YTHDF3: variants seen among roughly 807,000 people sequenced by gnomAD.
YTHDF3 encodes YTH domain-containing family protein 3.
Under a neutral mutation model 52.5 loss-of-function variants are expected in YTHDF3, and 9 were observed. That is an observed-to-expected ratio of 0.17 (90% CI 0.10 to 0.30). YTHDF3 has a LOEUF of 0.30. YTHDF3 is among the 10% of genes least tolerant of loss of function. The pLI is 1.00. For missense variants in YTHDF3, 534 were observed against 715.0 expected (o/e 0.75, Z 2.89); for synonymous variants, 274 against 243.3 (o/e 1.13, Z -1.18).
chr8:63,185,368 C>G (rs926260969), intron 3 of YTHDF3, among the ~76,000 whole-genome samples: 3 of 149,794 alleles, frequency 2.0e-5, no homozygotes, highest in African/African-American at 7.4e-5. Flanking sequence ...TGCAGTAATT[C>G]TGGAAAAAAT....
intron 4 of YTHDF3, among the ~76,000 whole-genome samples, chr8:63,196,664 C>A (rs1809260227): frequency 6.6e-6 from 1 of 151,840 alleles, no homozygotes; most frequent in Non-Finnish European, 1.5e-5. Flanking sequence ...AGACTGTCAT[C>A]AGAATTCTAT....
intron 4 of YTHDF3, among the ~76,000 whole-genome samples, chr8:63,201,837 C>T (rs1809662331): frequency 6.6e-6 from 1 of 152,142 alleles, no homozygotes; most frequent in South Asian, 2.1e-4. Flanking sequence ...TTTATTTTCT[C>T]AAAAAGAGCC....
intron 4 of YTHDF3, among the ~76,000 whole-genome samples, chr8:63,198,729 C>A (rs1196212707): frequency 2.0e-5 from 3 of 152,136 alleles, no homozygotes; most frequent in African/African-American, 4.8e-5. Context: ...ATGACAACAG[C>A]AAACATTTCC....
chr8:63,184,609 G>A lies in YTHDF3; in HGVS notation c.136-1538G>A, dbSNP rs868751587. On this transcript the variant is annotated intron_variant, in intron 3 of 4. Transcript: ENST00000539294. ...AAAAATAATTTAAAATTAGTTCCAG[G>A]CAGGATCTATGACGTTATGTCACAC... 2.0e-5 allele frequency among the ~76,000 whole-genome samples: 3 copies of A among 152,138 alleles called. No homozygotes were observed. In the East Asian group the frequency reaches 5.8e-4, roughly 29 times the overall value.
At chr8:63,169,243 T>C (rs1807109766) in intron 1 of YTHDF3, 144 bp from the exon 2 acceptor site, 1 of 1,303,318 alleles carries the variant, frequency 7.7e-7, no homozygotes, top group Admixed American at 2.6e-5. Context: ...GGTTGGGAAA[T>C]TGGTGGCTGT....
chr8:63,177,658 T>G (rs1373181316), intron 3 of YTHDF3, among the ~76,000 whole-genome samples: 12 of 151,862 alleles, frequency 7.9e-5, no homozygotes, highest in Admixed American at 7.9e-4. Context: ...AGTTGAACTG[T>G]TTTTTTTGCT....
Position 63,168,780 on chromosome 8 carries a change from A to T in YTHDF3, c.-98A>T. 6.5e-7 allele frequency: 1 copy of T among 1,545,932 alleles called. No individual in the cohort carries two copies. The highest frequency in any genetic ancestry group is 8.7e-7 in the Non-Finnish European group (1 of 1,144,540). On this transcript the variant is annotated 5_prime_UTR_variant, in exon 1 of 5. Transcript: ENST00000539294. ...GAACGGCGGCAGCGGCGGCGGCTGGAACAATCACTCGGCCAAGGGCGACAG... is the reference window on the plus strand; with the variant it reads ...GAACGGCGGCAGCGGCGGCGGCTGGTACAATCACTCGGCCAAGGGCGACAG...
Position 63,212,316 on chromosome 8 carries a change from G to A in YTHDF3, c.*2610G>A, listed in dbSNP as rs1049778317. ...AGATTCCTTTCAAAAGAAATCCAGC[G>A]TTTTCCTAATTTTAGTACTTAATTT... is the stretch of plus-strand genomic sequence containing the variant. On this transcript the variant is annotated 3_prime_UTR_variant, in exon 5 of 5. Transcript: ENST00000539294. The A allele has an allele frequency of 3.3e-5, 5 of 152,454 alleles. No homozygotes were observed. Among genetic ancestry groups the A allele is most frequent in the Admixed American group, 6.6e-5 (1 of 15,256 alleles). The allele number at this position is 152,454 out of a possible 1,614,324, so 9.4% of individuals were successfully genotyped here.
At chr8:63,183,414 C>T (rs144145833) in intron 3 of YTHDF3, among the ~76,000 whole-genome samples, 68 of 152,138 alleles carry the variant, frequency 4.5e-4, no homozygotes, top group African/African-American at 1.6e-3. Context: ...CTTCAGTGAT[C>T]AAATTTTACG....
At chr8:63,201,941 C>T (rs1809668269) in intron 4 of YTHDF3, among the ~76,000 whole-genome samples, 1 of 152,138 alleles carries the variant, frequency 6.6e-6, no homozygotes, top group African/African-American at 2.4e-5. Flanking sequence ...AGATTTCTCC[C>T]AGCACACATC....
At chr8:63,207,233 A>G (rs1810091818) in intron 4 of YTHDF3, among the ~76,000 whole-genome samples, 3 of 152,138 alleles carry the variant, frequency 2.0e-5, no homozygotes, top group Admixed American at 2.0e-4. Flanking sequence ...CCACTGTCTG[A>G]TATTAGTATA....
chr8:63,197,616 A>G (rs1182007937), intron 4 of YTHDF3, among the ~76,000 whole-genome samples: 2 of 151,968 alleles, frequency 1.3e-5, no homozygotes, highest in Admixed American at 6.5e-5. Flanking sequence ...ACGGGAGAGG[A>G]GAAGAGAAGT....
chr8:63,195,402 T>G (rs1276288330), intron 4 of YTHDF3, among the ~76,000 whole-genome samples: 1 of 152,180 alleles, frequency 6.6e-6, no homozygotes, highest in African/African-American at 2.4e-5. Context: ...TATTGGAAAT[T>G]AGAGACATAA....
intron 4 of YTHDF3, among the ~76,000 whole-genome samples, chr8:63,202,861 A>G (rs1437198687): frequency 2.6e-5 from 4 of 152,196 alleles, no homozygotes; most frequent in South Asian, 2.1e-4. Context: ...AATTGAATCT[A>G]TTAGATGTTT....
At chr8:63,191,788 C>G (rs1808928973) in intron 4 of YTHDF3, among the ~76,000 whole-genome samples, 1 of 152,080 alleles carries the variant, frequency 6.6e-6, no homozygotes, top group Non-Finnish European at 1.5e-5. Flanking sequence ...TTTCACTCAG[C>G]ATGGTATCTT....
chr8:63,174,186 G>A (rs1396696333), intron 2 of YTHDF3, among the ~76,000 whole-genome samples: 1 of 152,190 alleles, frequency 6.6e-6, no homozygotes, highest in Non-Finnish European at 1.5e-5. Context: ...CCTTTGAGCA[G>A]TAAATCTTTA....
chr8:63,184,555 C>T (rs1246546076), intron 3 of YTHDF3, among the ~76,000 whole-genome samples: 1 of 152,188 alleles, frequency 6.6e-6, no homozygotes, highest in Non-Finnish European at 1.5e-5. Flanking sequence ...AGTAATAAAA[C>T]ATCTCAGTTT....
In YTHDF3 at chr8:63,207,657, CAT is replaced by C. The variant is rs1200623063; in HGVS notation, c.1735-2025_1735-2024del. On this transcript the variant is annotated intron_variant, in intron 4 of 4. Coordinates refer to ENST00000539294, the MANE Select transcript of YTHDF3 (RefSeq NM_152758.6). ...TACAATTCAAACTGAAACAGCATAA[CAT>C]GTGGTCCTCATTGTTACAACCGATC... Among the ~76,000 whole-genome samples the C allele has an allele frequency of 3.3e-5, 5 of 152,080 alleles. No individual in the cohort carries two copies. In the East Asian group the frequency reaches 7.7e-4, roughly 23 times the overall value.
At chr8:63,171,190 C>T (rs887558509) in intron 2 of YTHDF3, among the ~76,000 whole-genome samples, 1 of 152,068 alleles carries the variant, frequency 6.6e-6, no homozygotes, top group Non-Finnish European at 1.5e-5. Context: ...CCTTGGAGTC[C>T]TGAGTTCTAA....
Sources: allele counts gnomAD v4.1 joint callset (sites outside exome capture counted in the v4.1 genomes callset), GRCh38; gene constraint gnomAD v4.1.1; transcripts MANE v1.5; gene names NCBI Gene and HGNC (gene_info 2026-07-23, HGNC 2026-07-21).